NEDD4L: variants seen among roughly 807,000 people sequenced by gnomAD.
NEDD4L encodes E3 ubiquitin-protein ligase NEDD4-like.
In NEDD4L, 54 loss-of-function variants were observed where a neutral mutation model predicts 148.9. The observed-to-expected ratio is 0.36, with a 90% CI of 0.29 to 0.45. The LOEUF is 0.45. Ranked by LOEUF, NEDD4L falls within the 20% of genes least tolerant of loss-of-function variation. The probability of loss-of-function intolerance (pLI) is 1.00; values close to 1 mark genes in which losing one functional copy is unlikely to be tolerated. For synonymous variants in NEDD4L, 433 were observed against 440.7 expected (o/e 0.98, Z 0.22); for missense variants, 856 against 1,233.8 (o/e 0.69, Z 4.59).
intron 13 of NEDD4L, among the ~76,000 whole-genome samples, chr18:58,336,886 A>C (rs1454337812): frequency 6.6e-6 from 1 of 152,198 alleles, no homozygotes. Context: ...TTTCTGTGGG[A>C]GTAGTGGAGC....
intron 1 of NEDD4L, among the ~76,000 whole-genome samples, chr18:58,101,493 T>C (rs541536322): frequency 1.3e-5 from 2 of 152,264 alleles, no homozygotes; most frequent in South Asian, 4.2e-4. Context: ...TTCTTTGTTT[T>C]GGGTAATGAG....
intron 5 of NEDD4L, chr18:58,255,502 T>C: frequency 8.1e-7 from 1 of 1,230,958 alleles, no homozygotes; most frequent in Non-Finnish European, 1.0e-6. Context: ...CTGCTATCTG[T>C]CGCTCCCGGT....
intron 5 of NEDD4L, among the ~76,000 whole-genome samples, chr18:58,258,582 T>A (rs1396991131): frequency 6.6e-6 from 1 of 152,220 alleles, no homozygotes; most frequent in Non-Finnish European, 1.5e-5. Context: ...AAGGCCTATG[T>A]AGTGAAAAAC....
chr18:58,128,012 T>TTTTGG (rs1428656407), intron 1 of NEDD4L, among the ~76,000 whole-genome samples: 13 of 151,366 alleles, frequency 8.6e-5, no homozygotes, highest in Non-Finnish European at 7.4e-5. Flanking sequence ...CGGCTAATTT[T>TTTTGG]TTTGTTTTGT....
intron 1 of NEDD4L, among the ~76,000 whole-genome samples, chr18:58,161,708 G>A (rs1031589104): frequency 6.6e-6 from 1 of 152,048 alleles, no homozygotes; most frequent in Non-Finnish European, 1.5e-5. Context: ...TTCATTTCTG[G>A]GGAGGGTCAG....
intron 2 of NEDD4L, among the ~76,000 whole-genome samples, chr18:58,218,894 G>T (rs475604): frequency 2.0e-5 from 3 of 152,150 alleles, no homozygotes; most frequent in Non-Finnish European, 4.4e-5. Context: ...GCTTCCCTCA[G>T]TGAATAGTAT....
At chr18:58,084,671 TTGTGTGTGTGTGTGTGTGTG>T (rs55916532) in intron 1 of NEDD4L, among the ~76,000 whole-genome samples, 2 of 133,736 alleles carry the variant, frequency 1.5e-5, no homozygotes, top group African/African-American at 5.6e-5. Context: ...TGTGGGGTTT[TTGTGTGTGTGTGTGTGTGTG>T]TGTGTGTGTG....
intron 2 of NEDD4L, among the ~76,000 whole-genome samples, chr18:58,229,045 T>TGCTA (rs1485844339): frequency 1.3e-5 from 2 of 152,090 alleles, no homozygotes. Flanking sequence ...GCACGTGAAG[T>TGCTA]GCTAGAACAC....
intron 20 of NEDD4L, 49 bp downstream of exon 20, chr18:58,364,382 T>TGACTGTGG: frequency 8.5e-7 from 1 of 1,174,802 alleles, no homozygotes; most frequent in Non-Finnish European, 1.2e-6. Context: ...CATTTGTAAG[T>TGACTGTGG]TACCACAGTC....
chr18:58,088,203 A>G (rs1291063990), intron 1 of NEDD4L, among the ~76,000 whole-genome samples: 3 of 152,196 alleles, frequency 2.0e-5, no homozygotes, highest in Admixed American at 6.5e-5. Flanking sequence ...CTGCAGTGTC[A>G]TTTTATCACA....
At chr18:58,251,325 A>G (rs540440323) in intron 4 of NEDD4L, among the ~76,000 whole-genome samples, 29 of 152,332 alleles carry the variant, frequency 1.9e-4, no homozygotes, top group Non-Finnish European at 3.8e-4. Flanking sequence ...CAGGAGTTCA[A>G]AACCAGCCTG....
intron 1 of NEDD4L, among the ~76,000 whole-genome samples, chr18:58,105,804 A>G (rs973232804): frequency 6.6e-6 from 1 of 152,252 alleles, no homozygotes; most frequent in Non-Finnish European, 1.5e-5. Context: ...TGCATTTTTC[A>G]GTGGTACTTT....
At position 58,392,350 on chromosome 18, in the gene NEDD4L, G is replaced by T. The variant is rs554327327; in HGVS notation, c.2825+791G>T. 4.6e-5 allele frequency among the ~76,000 whole-genome samples: 7 copies of T among 152,354 alleles called. No homozygotes were observed. In the South Asian group the frequency reaches 1.4e-3, roughly 32 times the overall value. ...GTAGCCCTGTGTTTCTCATGCAGCGGGGGCTGCAAAGCCTGCTCTGGCCAT... is the reference window on the plus strand; with the variant it reads ...GTAGCCCTGTGTTTCTCATGCAGCGTGGGCTGCAAAGCCTGCTCTGGCCAT... On this transcript the variant is annotated intron_variant, in intron 30 of 30. Transcript: ENST00000400345.
chr18:58,207,621 A>G (rs969624973), intron 2 of NEDD4L, among the ~76,000 whole-genome samples: 1 of 152,090 alleles, frequency 6.6e-6, no homozygotes, highest in Non-Finnish European at 1.5e-5. Flanking sequence ...TAAAATTTCT[A>G]TGACTTAGTA....
At chr18:58,066,859 C>T (rs781262525) in intron 1 of NEDD4L, among the ~76,000 whole-genome samples, 35 of 152,040 alleles carry the variant, frequency 2.3e-4, no homozygotes, top group Non-Finnish European at 4.3e-4. Flanking sequence ...CTCACTATCA[C>T]GAGAGCAACA....
intron 17 of NEDD4L, among the ~76,000 whole-genome samples, 166 bp downstream of exon 17, chr18:58,349,780 A>C (rs578059740): frequency 6.6e-6 from 1 of 152,238 alleles, no homozygotes; most frequent in African/African-American, 2.4e-5. Flanking sequence ...GTAGTCATAC[A>C]TTATAGTTCA....
intron 1 of NEDD4L, chr18:58,047,477 C>G: frequency 1.0e-6 from 1 of 985,386 alleles, no homozygotes; most frequent in Non-Finnish European, 1.2e-6. Flanking sequence ...CTGTTCCTTG[C>G]GTCATCAGCA....
Position 58,149,413 on chromosome 18 carries a change from C to T in NEDD4L, c.49-16375C>T, listed in dbSNP as rs1428161633. ...ACTTCTCTCCTGTGACCTTGTCACC[C>T]GGCAGTGGAAAGTTACCCTTGGCTG... On this transcript the variant is annotated intron_variant, in intron 1 of 30. Coordinates refer to ENST00000400345, the MANE Select transcript of NEDD4L (RefSeq NM_001144967.3). The T allele has an allele frequency of 2.3e-5, 35 of 1,504,104 alleles. No individual in the cohort carries two copies. The East Asian group carries it at 5.3e-4, about 23-fold the overall frequency. 93.2% of individuals were successfully genotyped at this position (1,504,104 alleles called of 1,614,324 possible). A position where few individuals can be genotyped will look rare whatever the true frequency, so the allele number is the denominator to read the frequency against.
intron 1 of NEDD4L, among the ~76,000 whole-genome samples, chr18:58,135,530 A>G (rs536767056): frequency 6.6e-6 from 1 of 152,294 alleles, no homozygotes; most frequent in South Asian, 2.1e-4. Context: ...GGAGAGAGAA[A>G]AATCACTTTC....
Sources: allele counts gnomAD v4.1 joint callset (sites outside exome capture counted in the v4.1 genomes callset), GRCh38; gene constraint gnomAD v4.1.1; transcripts MANE v1.5; gene names NCBI Gene and HGNC (gene_info 2026-07-23, HGNC 2026-07-21).